RASSF5: variants seen among roughly 807,000 people sequenced by gnomAD.
RASSF5 encodes the protein Ras association domain family member 5.
Under a neutral mutation model 40.5 loss-of-function variants are expected in RASSF5, and 25 were observed. The ratio of observed to expected loss-of-function variants is 0.62; its 90% CI spans 0.45 to 0.86. The LOEUF (loss-of-function observed/expected upper bound fraction) is 0.86, where lower values mean the gene tolerates loss of function less well. Among genes scored for constraint, RASSF5 ranks in the 40% least tolerant of loss-of-function variants. RASSF5 has a pLI of 0.00. For synonymous variants in RASSF5, 246 were observed against 252.4 expected (o/e 0.97, Z 0.24); for missense variants, 521 against 572.8 (o/e 0.91, Z 0.92).
intron 1 of RASSF5, among the ~76,000 whole-genome samples, chr1:206,526,301 G>A (rs1295054206): frequency 1.9e-4 from 6 of 31,400 alleles, no homozygotes; most frequent in African/African-American, 7.9e-4. Flanking sequence ...TGTTGGAGTT[G>A]GGGCTGGGGT....
intron 1 of RASSF5, among the ~76,000 whole-genome samples, chr1:206,527,928 A>T (rs1387830044): frequency 2.6e-5 from 4 of 152,196 alleles, no homozygotes; most frequent in Non-Finnish European, 5.9e-5. Flanking sequence ...CTCGCCAGCT[A>T]CAAGGCTGCC....
At chr1:206,557,168 C>G in intron 2 of RASSF5, 1 of 1,008,202 alleles carries the variant, frequency 9.9e-7, no homozygotes, top group Non-Finnish European at 1.2e-6. Flanking sequence ...GGCTTCAGAA[C>G]TGCTTTACGC....
At position 206,508,046 on chromosome 1, in the gene RASSF5, G is replaced by T. The variant is rs1666510865; in HGVS notation, c.444G>T (p.Ala148=). Residue 148 remains alanine (A), a synonymous_variant, in exon 1 of 6, where the codon GCG becomes GCT. Coordinates refer to ENST00000579436, the MANE Select transcript of RASSF5 (RefSeq NM_182663.4). ...DLCGREVLRQ[A]LRCTNCKFTC... ...GCGGACGAGAGGTGCTGCGGCAGGC[G>T]CTGCGCTGCACTAGTAAGTGTGAAG... 2 of 1,407,314 alleles carry T rather than the reference G, an allele frequency of 1.4e-6. No individual in the cohort carries two copies. The allele number at this position is 1,407,314 out of a possible 1,614,324, so 87.2% of individuals were successfully genotyped here.
chr1:206,567,244 G>C (rs1197265874), intron 2 of RASSF5, among the ~76,000 whole-genome samples: 2 of 152,172 alleles, frequency 1.3e-5, no homozygotes, highest in East Asian at 1.9e-4. Context: ...TGGGTCTTCT[G>C]TCTTCCTCTA....
At chr1:206,523,683 AT>A (rs1290831465) in intron 1 of RASSF5, among the ~76,000 whole-genome samples, 6 of 83,642 alleles carry the variant, frequency 7.2e-5, no homozygotes, top group African/African-American at 1.1e-4. Context: ...TTATATATAA[AT>A]ATATTATATA....
intron 1 of RASSF5, among the ~76,000 whole-genome samples, chr1:206,510,137 G>C (rs367727018): frequency 1.3e-5 from 2 of 152,192 alleles, no homozygotes; most frequent in East Asian, 3.8e-4. Flanking sequence ...GGGCTGGCAG[G>C]TGGAGACACA....
At chr1:206,543,749 A>G (rs1667606696) in intron 2 of RASSF5, 1 of 151,882 alleles carries the variant, frequency 6.6e-6, no homozygotes. Context: ...TATGTTCCTA[A>G]TGTCATTTTT....
chr1:206,510,090 A>T (rs1572284922), intron 1 of RASSF5, among the ~76,000 whole-genome samples: 3 of 152,188 alleles, frequency 2.0e-5, no homozygotes, highest in Admixed American at 6.5e-5. Context: ...CTATGGCTGG[A>T]TGGCAAAAGT....
chr1:206,562,594 A>T (rs1341123691), intron 2 of RASSF5, among the ~76,000 whole-genome samples: 1 of 151,854 alleles, frequency 6.6e-6, no homozygotes, highest in African/African-American at 2.4e-5. Flanking sequence ...TAAGATCAGA[A>T]CTCGCATCTC....
chr1:206,543,830 T>A (rs1667609146), intron 2 of RASSF5: 2 of 152,248 alleles, frequency 1.3e-5, no homozygotes, highest in Non-Finnish European at 2.9e-5. Flanking sequence ...CTGTGCTCAC[T>A]GCAACCTCCG....
In RASSF5 at chr1:206,532,646, C is replaced by T. The variant is rs1667273175; in HGVS notation, c.458-5526C>T. Among the ~76,000 whole-genome samples the T allele has an allele frequency of 2.6e-5, 4 of 152,342 alleles. No homozygotes were observed. The South Asian group carries it at 8.3e-4, about 32-fold the overall frequency. On this transcript the variant is annotated intron_variant, in intron 1 of 5. Transcript: ENST00000579436. ...AGTTGTCCTGCTTTCCCTCAGGCATCGGAAGTTGCTTTGTCCATGCAGAGT... is the reference window on the plus strand; with the variant it reads ...AGTTGTCCTGCTTTCCCTCAGGCATTGGAAGTTGCTTTGTCCATGCAGAGT...
intron 1 of RASSF5, among the ~76,000 whole-genome samples, chr1:206,528,644 T>C (rs1667157027): frequency 6.6e-6 from 1 of 152,168 alleles, no homozygotes; most frequent in African/African-American, 2.4e-5. Flanking sequence ...TAGGGGAAGC[T>C]GTGCAGCATA....
chr1:206,514,625 G>C (rs574748585), intron 1 of RASSF5, among the ~76,000 whole-genome samples: 1 of 152,322 alleles, frequency 6.6e-6, no homozygotes, highest in South Asian at 2.1e-4. Flanking sequence ...GGGGCTGCTA[G>C]AAAATTAAAA....
In RASSF5 at chr1:206,527,462, T is replaced by C. The variant is rs778497632; in HGVS notation, c.458-10710T>C. Among the ~76,000 whole-genome samples the C allele has an allele frequency of 2.6e-5, 4 of 152,224 alleles. No individual in the cohort carries two copies. The East Asian group carries it at 5.8e-4, about 22-fold the overall frequency. On this transcript the variant is annotated intron_variant, in intron 1 of 5. Transcript: ENST00000579436. ...TCCTGAGAGCTCAGGACAGGAACCT[T>C]TGGCTGCTGCCTGGGTGGTTCCAAG...
Position 206,535,311 on chromosome 1 carries a change from C to T in RASSF5, c.458-2861C>T, listed in dbSNP as rs964814926. On this transcript the variant is annotated intron_variant, in intron 1 of 5. Transcript: ENST00000579436. This position sits in a 1 kb window ranked among gnomAD's most constrained non-coding sequence, Gnocchi z 5.0. ...GGTTTGGTTTGGCAGCAGCTGGTGA[C>T]GAGCTGCCTTAAGGGAACTGTGGTC... Among the ~76,000 whole-genome samples the T allele has an allele frequency of 2.6e-5, 4 of 152,208 alleles. No individual in the cohort carries two copies. Among genetic ancestry groups the T allele is most frequent in the South Asian group, 2.1e-4 (1 of 4,836 alleles).
At chr1:206,545,879 T>A (rs1313567647) in intron 2 of RASSF5, among the ~76,000 whole-genome samples, 5 of 151,858 alleles carry the variant, frequency 3.3e-5, no homozygotes, top group African/African-American at 4.8e-5. Flanking sequence ...TGTTTTTTTT[T>A]AAACCAATCT....
intron 2 of RASSF5, chr1:206,557,673 C>T: frequency 6.2e-7 from 1 of 1,614,234 alleles, no homozygotes; most frequent in Non-Finnish European, 8.5e-7. Context: ...CAGAAATGCG[C>T]AGAGCAAACA....
In RASSF5 at chr1:206,528,251, A is replaced by G. The variant is rs570358586; in HGVS notation, c.458-9921A>G. 7.2e-5 allele frequency among the ~76,000 whole-genome samples: 11 copies of G among 152,292 alleles called. No homozygotes were observed. The East Asian group carries it at 2.1e-3, about 29-fold the overall frequency. ...CCCACAATTTTTTTAATTAAAAAAAAAGACAGGGAGATAATACTAAGTGAA... is the reference window on the plus strand; with the variant it reads ...CCCACAATTTTTTTAATTAAAAAAAGAGACAGGGAGATAATACTAAGTGAA... On this transcript the variant is annotated intron_variant, in intron 1 of 5. Coordinates refer to ENST00000579436, the MANE Select transcript of RASSF5 (RefSeq NM_182663.4).
At chr1:206,521,564 C>T (rs1553396107) in intron 1 of RASSF5, among the ~76,000 whole-genome samples, 7 of 152,184 alleles carry the variant, frequency 4.6e-5, no homozygotes. Context: ...AGCCAGGTCT[C>T]CTTGCAATCC....
Sources: allele counts gnomAD v4.1 joint callset (sites outside exome capture counted in the v4.1 genomes callset), GRCh38; gene constraint gnomAD v4.1.1; non-coding constraint Gnocchi (gnomAD v3.1); transcripts MANE v1.5; gene names NCBI Gene and HGNC (gene_info 2026-07-23, HGNC 2026-07-21).